Variants in CA10 observed in about 807,000 individuals in gnomAD.
The protein encoded by CA10 is carbonic anhydrase-related protein 10.
In CA10, 14 loss-of-function variants were observed where a neutral mutation model predicts 44.2. The ratio of observed to expected loss-of-function variants is 0.32; its 90% confidence interval spans 0.21 to 0.50. The LOEUF (loss-of-function observed/expected upper bound fraction) is 0.50, where lower values mean the gene tolerates loss of function less well. CA10 is among the 20% of genes least tolerant of loss of function. The probability of loss-of-function intolerance (pLI) is 0.99; values close to 1 mark genes in which losing one functional copy is unlikely to be tolerated. For synonymous variants in CA10, 159 were observed against 141.6 expected, an observed-to-expected ratio of 1.12 and a Z score of -0.87; for missense variants, 350 against 409.7, an observed-to-expected ratio of 0.85 and a Z score of 1.26.
intron 3 of CA10, among the ~76,000 whole-genome samples, chr17:51,805,090 G>A (rs773865887): frequency 2.0e-5 from 3 of 152,170 alleles, no homozygotes; most frequent in Admixed American, 1.3e-4. Context: ...TGGTCTCAGC[G>A]GTCCCTTTCA....
At chr17:51,688,607 C>G (rs1915085764) in intron 4 of CA10, among the ~76,000 whole-genome samples, 1 of 152,076 alleles carries the variant, frequency 6.6e-6, no homozygotes, top group Non-Finnish European at 1.5e-5. Context: ...TATCATTATT[C>G]TTGTTTTATA....
At chr17:51,954,553 C>T (rs1191246667) in intron 2 of CA10, among the ~76,000 whole-genome samples, 2 of 152,102 alleles carry the variant, frequency 1.3e-5, no homozygotes, top group East Asian at 1.9e-4. Flanking sequence ...AAAGCTAAGG[C>T]ACTACGTCCT....
chr17:52,134,782 T>G (rs918978458), intron 1 of CA10: 7 of 492,774 alleles, frequency 1.4e-5, no homozygotes, highest in Non-Finnish European at 2.9e-5. Flanking sequence ...AGGTTATGCA[T>G]GACAGCTGCC....
chr17:52,068,745 C>G (rs775230770), intron 2 of CA10, among the ~76,000 whole-genome samples: 33 of 152,198 alleles, frequency 2.2e-4, no homozygotes, highest in Admixed American at 5.9e-4. Context: ...GGGTTTTTCT[C>G]AACTCTCCAT....
At chr17:51,928,275 C>A (rs1982511063) in intron 3 of CA10, among the ~76,000 whole-genome samples, 1 of 151,998 alleles carries the variant, frequency 6.6e-6, no homozygotes, top group African/African-American at 2.4e-5. Context: ...TTGACTGCAA[C>A]CTGTCACATG....
At chr17:52,008,237 A>G (rs1016510883) in intron 2 of CA10, among the ~76,000 whole-genome samples, 28 of 151,846 alleles carry the variant, frequency 1.8e-4, no homozygotes, top group Non-Finnish European at 3.5e-4. Flanking sequence ...GAAAACTATT[A>G]CAAAGAAAGT....
intron 2 of CA10, among the ~76,000 whole-genome samples, chr17:51,942,696 T>C (rs1390851746): frequency 6.6e-6 from 1 of 151,958 alleles, no homozygotes; most frequent in African/African-American, 2.4e-5. Flanking sequence ...TTACTAAAGT[T>C]CCCTTTTACA....
chr17:51,812,570 T>C (rs1907413968), intron 3 of CA10, among the ~76,000 whole-genome samples: 1 of 152,342 alleles, frequency 6.6e-6, no homozygotes, highest in African/African-American at 2.4e-5. Flanking sequence ...GAAGAAGATA[T>C]TGAGAGCAAA....
intron 3 of CA10, among the ~76,000 whole-genome samples, chr17:51,768,656 C>A (rs1482177293): frequency 6.6e-6 from 1 of 152,174 alleles, no homozygotes; most frequent in East Asian, 1.9e-4. Flanking sequence ...ATCAAGTCCA[C>A]AGTGATGACA....
intron 3 of CA10, among the ~76,000 whole-genome samples, chr17:51,821,634 T>C (rs909669535): frequency 6.6e-6 from 1 of 151,986 alleles, no homozygotes; most frequent in Non-Finnish European, 1.5e-5. Flanking sequence ...AGTCAGAACA[T>C]GTCACTCCTC....
intron 4 of CA10, among the ~76,000 whole-genome samples, chr17:51,717,849 A>ACGTGTATG (rs796725016): frequency 2.8e-5 from 1 of 35,174 alleles, no homozygotes; most frequent in African/African-American, 9.1e-5. Flanking sequence ...ATATATATAT[A>ACGTGTATG]TATATATATA....
At position 51,695,250 on chromosome 17, in the gene CA10, G is replaced by T. The variant is rs143243488; in HGVS notation, c.466-41514C>A. On this transcript the variant is annotated intron_variant, in intron 4 of 8. Coordinates refer to ENST00000451037, the MANE Select transcript of CA10 (RefSeq NM_020178.5). Reference sequence around the variant, plus strand: ...TCTACAGATTGCTTTGGGCAGTATGGCCATTTTAACAATATTGATTCTTCC... The same window carrying T: ...TCTACAGATTGCTTTGGGCAGTATGTCCATTTTAACAATATTGATTCTTCC... Among the ~76,000 whole-genome samples, 1,038 of 152,234 alleles carry T rather than the reference G, an allele frequency of 6.8e-3. 15 individuals carry two copies. The highest frequency in any genetic ancestry group is 0.024 in the African/African-American group (1,001 of 41,526).
rs374879771 is a variant in CA10 at position 51,834,130 on chromosome 17, T to C, written c.280-86312A>G. ...TTCAGCATCATTAGGGGAAGAGGAA[T>C]GGATGCCTTGATGAACTTGACTATA... On this transcript the variant is annotated intron_variant, in intron 3 of 8. Transcript: ENST00000451037. Among the ~76,000 whole-genome samples, 70 of 152,332 alleles carry C rather than the reference T, an allele frequency of 4.6e-4. 2 individuals carry two copies. The South Asian group carries it at 0.013, about 28-fold the overall frequency.
At chr17:51,650,003 AGC>A (rs1913502251) in intron 5 of CA10, among the ~76,000 whole-genome samples, 1 of 151,888 alleles carries the variant, frequency 6.6e-6, no homozygotes. Context: ...CCAGCCAGCC[AGC>A]CACCCACCCA....
intron 1 of CA10, among the ~76,000 whole-genome samples, chr17:52,156,889 T>G (rs1039072969): frequency 1.3e-4 from 20 of 152,188 alleles, no homozygotes; most frequent in African/African-American, 4.8e-4. Flanking sequence ...CTTTCCCCTT[T>G]CCCTCCCAGC....
chr17:51,781,478 C>T lies in CA10; in HGVS notation c.280-33660G>A, dbSNP rs368366057. 5.9e-5 allele frequency among the ~76,000 whole-genome samples: 9 copies of T among 152,228 alleles called. No individual in the cohort carries two copies. The South Asian group carries it at 1.9e-3, about 32-fold the overall frequency. On this transcript the variant is annotated intron_variant, in intron 3 of 8. Transcript: ENST00000451037. The stretch of plus-strand genomic sequence containing the variant: ...AAAGAGATGCTATTTGGCCATGAGT[C>T]CAGAGGGGAAGTCTTCAATGGAGGC...
chr17:51,895,257 T>G (rs1981019509), intron 3 of CA10, among the ~76,000 whole-genome samples: 1 of 151,948 alleles, frequency 6.6e-6, no homozygotes, highest in Non-Finnish European at 1.5e-5. Flanking sequence ...CTGAAGACAA[T>G]TACATTATTT....
At chr17:51,996,505 C>T (rs936556099) in intron 2 of CA10, among the ~76,000 whole-genome samples, 1 of 151,848 alleles carries the variant, frequency 6.6e-6, no homozygotes, top group East Asian at 1.9e-4. Context: ...TCAATCTCCT[C>T]GACATGGCCC....
chr17:51,806,428 A>G (rs1427268490), intron 3 of CA10, among the ~76,000 whole-genome samples: 1 of 152,230 alleles, frequency 6.6e-6, no homozygotes, highest in African/African-American at 2.4e-5. Flanking sequence ...ATCTGTTTAC[A>G]TGTCTATCAT....
Sources: gnomAD v4.1 joint callset for allele counts (sites outside exome capture counted in the v4.1 genomes callset) on GRCh38, gnomAD v4.1.1 for gene constraint, MANE v1.5 for transcripts, NCBI Gene and HGNC (gene_info 2026-07-23, HGNC 2026-07-21) for gene names.